ZC3H11C: variants seen among roughly 807,000 people sequenced by gnomAD.
ZC3H11C encodes zinc finger CCCH-type containing 11C.
chr6:65,305,330 T>C, the ZC3H11C span, among the ~76,000 whole-genome samples: 4 of 152,238 alleles, frequency 2.6e-5, no homozygotes, highest in Non-Finnish European at 2.9e-5. Context: ...ATGTATTGTC[T>C]TGATGTACTT....
At chr6:65,302,988 T>C in the ZC3H11C span, 1 of 1,531,812 alleles carries the variant, frequency 6.5e-7, no homozygotes, top group South Asian at 1.1e-5. Flanking sequence ...CCACCAGTTG[T>C]AATTAATGCT....
the ZC3H11C span, among the ~76,000 whole-genome samples, chr6:65,305,851 G>A: frequency 6.6e-6 from 1 of 151,994 alleles, no homozygotes; most frequent in Non-Finnish European, 1.5e-5. Flanking sequence ...TTTATGTGGT[G>A]GCCTTTAACC....
the ZC3H11C span, among the ~76,000 whole-genome samples, chr6:65,301,897 T>C: frequency 6.6e-6 from 1 of 152,246 alleles, no homozygotes; most frequent in African/African-American, 2.4e-5. Context: ...AGTGATGCTT[T>C]TTAGGATTTG....
chr6:65,305,285 C>A, the ZC3H11C span, among the ~76,000 whole-genome samples: 1 of 152,150 alleles, frequency 6.6e-6, no homozygotes, highest in African/African-American at 2.4e-5. Flanking sequence ...AGGTGTTTGT[C>A]AGTTTTGGCT....
chr6:65,306,388 A>C, the ZC3H11C span, among the ~76,000 whole-genome samples: 3 of 152,238 alleles, frequency 2.0e-5, no homozygotes, highest in Admixed American at 1.3e-4. Flanking sequence ...ACACACCTCT[A>C]CCAATCCATC....
the ZC3H11C span, among the ~76,000 whole-genome samples, chr6:65,305,524 T>G: frequency 6.6e-6 from 1 of 152,188 alleles, no homozygotes; most frequent in Admixed American, 6.5e-5. Flanking sequence ...AATGTGGGCA[T>G]AACTCTTTGG....
the ZC3H11C span, among the ~76,000 whole-genome samples, chr6:65,305,253 A>G: frequency 6.6e-6 from 1 of 152,196 alleles, no homozygotes; most frequent in Non-Finnish European, 1.5e-5. Context: ...GAAAGGGTGC[A>G]AGCAAACTTA....
chr6:65,302,660 C>CAA, the ZC3H11C span: 1 of 1,350,130 alleles, frequency 7.4e-7, no homozygotes, highest in Non-Finnish European at 1.1e-6. Flanking sequence ...GCGCTGTTTT[C>CAA]GACGGGTGTG....
chr6:65,305,721 T>A, the ZC3H11C span, among the ~76,000 whole-genome samples: 1 of 152,280 alleles, frequency 6.6e-6, no homozygotes, highest in African/African-American at 2.4e-5. Flanking sequence ...TTTTTTAGTA[T>A]GAAAATTGTC....
At chr6:65,302,369 C>A in the ZC3H11C span, among the ~76,000 whole-genome samples, 1 of 152,112 alleles carries the variant, frequency 6.6e-6, no homozygotes, top group African/African-American at 2.4e-5. Flanking sequence ...TGAGAGCAAT[C>A]AGCTAATGAT....
At chr6:65,302,575 AG>A in the ZC3H11C span, 2 of 951,342 alleles carry the variant, frequency 2.1e-6, no homozygotes, top group Non-Finnish European at 3.4e-6. Flanking sequence ...CATGTACCAA[AG>A]GTGACAGCTG....
chr6:65,305,204 C>T, the ZC3H11C span, among the ~76,000 whole-genome samples: 1 of 151,742 alleles, frequency 6.6e-6, no homozygotes, highest in Non-Finnish European at 1.5e-5. Context: ...CTGTCATACC[C>T]TTCTCTCCAC....
the ZC3H11C span, chr6:65,302,431 C>A: frequency 1.9e-5 from 12 of 632,398 alleles, no homozygotes; most frequent in African/African-American, 1.7e-4. Flanking sequence ...AAGATTAAAC[C>A]CATTTCACGA....
At chr6:65,302,208 A>G in the ZC3H11C span, among the ~76,000 whole-genome samples, 21 of 152,266 alleles carry the variant, frequency 1.4e-4, no homozygotes, top group African/African-American at 5.1e-4. Flanking sequence ...TTAAAAACAC[A>G]TGCTGTGTTT....
chr6:65,305,926 T>C, the ZC3H11C span, among the ~76,000 whole-genome samples: 1 of 152,190 alleles, frequency 6.6e-6, no homozygotes, highest in African/African-American at 2.4e-5. Flanking sequence ...AGCAGTACAC[T>C]GAATTGTACT....
At chr6:65,306,140 T>C in the ZC3H11C span, among the ~76,000 whole-genome samples, 1 of 152,204 alleles carries the variant, frequency 6.6e-6, no homozygotes, top group African/African-American at 2.4e-5. Flanking sequence ...AGGAAGGACT[T>C]ACCCATTTTG....
At chr6:65,305,383 TTAAGGACCAAA>T in the ZC3H11C span, among the ~76,000 whole-genome samples, 2 of 152,210 alleles carry the variant, frequency 1.3e-5, no homozygotes, top group African/African-American at 2.4e-5. Context: ...GCTGCTACCA[TTAAGGACCAAA>T]TTTTATGCTA....
At chr6:65,306,016 C>T in the ZC3H11C span, among the ~76,000 whole-genome samples, 2 of 151,808 alleles carry the variant, frequency 1.3e-5, no homozygotes, top group Non-Finnish European at 2.9e-5. Flanking sequence ...GTTTTCTTTT[C>T]TTGATGTTGG....
the ZC3H11C span, chr6:65,303,598 GA>G: frequency 6.0e-6 from 4 of 669,198 alleles, no homozygotes; most frequent in African/African-American, 1.2e-4. Flanking sequence ...TCCATGTGAA[GA>G]CATTAGAAGA....
Sources: allele counts gnomAD v4.1 joint callset (sites outside exome capture counted in the v4.1 genomes callset), GRCh38; gene constraint gnomAD v4.1.1; transcripts MANE v1.5; gene names NCBI Gene and HGNC (gene_info 2026-07-23, HGNC 2026-07-21).